The following ATM variants were observed in gnomAD, a reference collection of about 807,000 sequenced individuals.
The protein encoded by ATM is serine-protein kinase ATM.
In ATM, 308 loss-of-function variants were observed where a neutral mutation model predicts 387.0. The observed-to-expected ratio is 0.80, with a 90% CI of 0.73 to 0.87. The LOEUF (loss-of-function observed/expected upper bound fraction) is 0.87, where lower values mean the gene tolerates loss of function less well. Among genes scored for constraint, ATM ranks in the 40% least tolerant of loss-of-function variants. ATM has a pLI of 0.00. For missense variants in ATM, 3,312 were observed against 3,560.9 expected, an observed-to-expected ratio of 0.93 and a Z score of 1.78; for synonymous variants, 1,156 against 1,187.3, an observed-to-expected ratio of 0.97 and a Z score of 0.54.
At position 108,319,998 on chromosome 11, in the gene ATM, C is replaced by A. The variant is rs1060501594; in HGVS notation, c.6392C>A (p.Ala2131Asp). 6.2e-7 allele frequency: 1 copy of A among 1,612,706 alleles called. No homozygotes were observed. Among genetic ancestry groups the A allele is most frequent in the Non-Finnish European group, 8.5e-7 (1 of 1,178,866 alleles). Residue 2131 changes from alanine (A) to aspartate (D), a missense_variant, in exon 44 of 63, where the codon GCT (alanine) becomes GAT (aspartate). Coordinates refer to ENST00000675843, the MANE Select transcript of ATM (RefSeq NM_000051.4). ...GTSYHESLYNALQSLRDREFS... is the reference protein window; with the variant it reads ...GTSYHESLYNDLQSLRDREFS... ...AGTTACCATGAATCATTGTACAATG[C>A]TCTACAATCTCTAAGAGACAGAGAA...
chr11:108,284,437 T>C lies in ATM; in HGVS notation c.3957T>C (p.Tyr1319=), dbSNP rs1452390463. 1 of 1,613,900 alleles carries C rather than the reference T, an allele frequency of 6.2e-7. No individual in the cohort carries two copies. The highest frequency in any genetic ancestry group is 8.5e-7 in the Non-Finnish European group (1 of 1,179,926). ...AQQRETATKV[Y]DMLKSENLLG... is the part of the protein sequence containing the mutation. ...AAAGAGAGACTGCTACCAAGGTCTA[T>C]GATATGCTTAAAAGTGAAAACTTAT... Residue 1319 remains tyrosine (Y), a synonymous_variant, in exon 26 of 63, where the codon TAT becomes TAC. Coordinates refer to ENST00000675843, the MANE Select transcript of ATM (RefSeq NM_000051.4).
At chr11:108,229,103 G>T in intron 3 of ATM, 75 bp from the exon 4 acceptor site, 1 of 1,470,520 alleles carries the variant, frequency 6.8e-7, no homozygotes, top group Non-Finnish European at 9.3e-7. Context: ...CTTTGTGATG[G>T]CATGAACAGC....
At chr11:108,353,685 C>G in intron 59 of ATM, 81 bp from the exon 60 acceptor site, 2 of 1,172,300 alleles carry the variant, frequency 1.7e-6, no homozygotes, top group East Asian at 2.4e-5. Context: ...GGTTTCTTGC[C>G]TTTGTAAAGT....
At chr11:108,297,217 T>C in intron 32 of ATM, 70 bp from the exon 33 acceptor site, 1 of 1,259,752 alleles carries the variant, frequency 7.9e-7, no homozygotes, top group Non-Finnish European at 1.1e-6. Context: ...TAATTTAATA[T>C]ATATGCAATT....
At chr11:108,328,984 T>A in intron 48 of ATM, 37 bp from the exon 49 acceptor site, 1 of 1,567,808 alleles carries the variant, frequency 6.4e-7, no homozygotes, top group African/African-American at 1.4e-5. Context: ...ATTTAGTATT[T>A]GTAAATATAA....
At chr11:108,224,932 C>T (rs553124624) in intron 1 of ATM, 1 of 152,146 alleles carries the variant, frequency 6.6e-6, no homozygotes, top group Non-Finnish European at 1.5e-5. Context: ...ATATTGTTTG[C>T]ATCTATCAGT....
rs587781558 is a variant in ATM at position 108,271,147 on chromosome 11, G to C, written c.2921+1G>C. 2 of 1,613,460 alleles carry C rather than the reference G, an allele frequency of 1.2e-6. No homozygotes were observed. The highest frequency in any genetic ancestry group is 1.7e-6 in the Non-Finnish European group (2 of 1,179,840). ...TTCTTGAACTTCTGAAACCACTATC[G>C]TAAGAAATTAAAACCTTATGTTATG... On this transcript the variant is annotated splice_donor_variant, in intron 19 of 62. Coordinates refer to ENST00000675843, the MANE Select transcript of ATM (RefSeq NM_000051.4). LOFTEE classifies it high-confidence loss of function.
intron 20 of ATM, among the ~76,000 whole-genome samples, chr11:108,272,291 C>T (rs542764948): frequency 6.6e-6 from 1 of 151,998 alleles, no homozygotes; most frequent in Non-Finnish European, 1.5e-5. Flanking sequence ...TCTATGGTAG[C>T]CCCCAAAAAA....
At chr11:108,314,571 A>C (rs2084456447) in intron 40 of ATM, among the ~76,000 whole-genome samples, 2 of 152,060 alleles carry the variant, frequency 1.3e-5, no homozygotes, top group Non-Finnish European at 1.5e-5. Context: ...GTCTAGGACC[A>C]GTCTACTGTG....
intron 59 of ATM, among the ~76,000 whole-genome samples, chr11:108,347,639 A>G (rs2088615375): frequency 6.6e-6 from 1 of 152,134 alleles, no homozygotes. Context: ...AGCAGATTCA[A>G]AAGAAGGAAT....
intron 26 of ATM, chr11:108,287,211 A>G (rs1478032802): frequency 6.2e-6 from 1 of 160,162 alleles, no homozygotes; most frequent in Non-Finnish European, 1.4e-5. Context: ...TAATTGAGAC[A>G]GAATTCCCAA....
At chr11:108,226,977 C>G (rs2078768704) in intron 1 of ATM, 1 of 152,158 alleles carries the variant, frequency 6.6e-6, no homozygotes, top group African/African-American at 2.4e-5. Context: ...ATTTAAATGT[C>G]ATGTTTCTTT....
Position 108,336,143 on chromosome 11 carries a change from A to G in ATM, c.8268+182A>G, listed in dbSNP as rs2086828811. On this transcript the variant is annotated intron_variant, in intron 56 of 62. Transcript: ENST00000675843. ...GAGACCCCATCTTGACAAAAAGTTAAAAAAAAAAAAAAAGCCAGAGATGAT... is the reference window on the plus strand; with the variant it reads ...GAGACCCCATCTTGACAAAAAGTTAGAAAAAAAAAAAAAGCCAGAGATGAT... 16 of 275,736 alleles carry G rather than the reference A, an allele frequency of 5.8e-5. No individual in the cohort carries two copies. In the South Asian group the frequency reaches 8.5e-4, roughly 15 times the overall value. 17.1% of individuals were successfully genotyped at this position (275,736 alleles called of 1,614,324 possible).
At chr11:108,277,969 TTTTTAG>T (rs1324282965) in intron 22 of ATM, among the ~76,000 whole-genome samples, 1 of 152,232 alleles carries the variant, frequency 6.6e-6, no homozygotes, top group Admixed American at 6.5e-5. Context: ...CATTGTTGTA[TTTTTAG>T]CACCTAAAAC....
chr11:108,300,579 C>T (rs1032830909), intron 34 of ATM, among the ~76,000 whole-genome samples: 1 of 152,144 alleles, frequency 6.6e-6, no homozygotes, highest in Non-Finnish European at 1.5e-5. Context: ...TTCCCTTCCT[C>T]CTTCTCTTGA....
At chr11:108,364,905 T>TG (rs908960615) in intron 61 of ATM, among the ~76,000 whole-genome samples, 177 bp from the exon 62 acceptor site, 6 of 152,176 alleles carry the variant, frequency 3.9e-5, no homozygotes, top group African/African-American at 1.2e-4. Flanking sequence ...ATGAGAAGCT[T>TG]GGAGCATTAT....
chr11:108,313,394 C>T (rs2084338132), intron 40 of ATM, among the ~76,000 whole-genome samples: 1 of 152,226 alleles, frequency 6.6e-6, no homozygotes, highest in East Asian at 1.9e-4. Context: ...AAGAGTTGTC[C>T]ATATTTGCTG....
rs2079177643 is a variant in ATM, at chr11:108,234,616, C to A, written c.332-1054C>A. ...CTTTGGGAGGCCAAGACAGGAGAAT[C>A]CCTTGAGCTCAGGAGTTCAAGACCA... On this transcript the variant is annotated intron_variant, in intron 4 of 62. Coordinates refer to ENST00000675843, the MANE Select transcript of ATM (RefSeq NM_000051.4). Among the ~76,000 whole-genome samples the A allele has an allele frequency of 2.0e-5, 3 of 152,102 alleles. No individual in the cohort carries two copies. The South Asian group carries it at 6.2e-4, about 32-fold the overall frequency.
chr11:108,312,322 G>GT, intron 39 of ATM, 89 bp from the exon 40 acceptor site: 2 of 996,560 alleles, frequency 2.0e-6, no homozygotes, highest in East Asian at 2.4e-5. Flanking sequence ...ACCTTCATTA[G>GT]TTTTTTTCTG....
Sources: gnomAD v4.1 joint callset for allele counts (sites outside exome capture counted in the v4.1 genomes callset) on GRCh38, gnomAD v4.1.1 for gene constraint, MANE v1.5 for transcripts, NCBI Gene and HGNC (gene_info 2026-07-23, HGNC 2026-07-21) for gene names.